Variants in MUC17 observed in about 807,000 individuals in gnomAD.
MUC17 encodes mucin-17.
In MUC17, 190 loss-of-function variants were observed where a neutral mutation model predicts 170.3. The ratio of observed to expected loss-of-function variants is 1.12; its 90% confidence interval spans 0.99 to 1.26. The LOEUF is 1.26. MUC17 is among the 50% of genes most tolerant of loss of function. MUC17 has a pLI of 0.00. For missense variants in MUC17, 6,415 were observed against 5,530.0 expected (o/e 1.16, Z -5.08); for synonymous variants, 2,325 against 2,002.5 (o/e 1.16, Z -4.30).
intron 2 of MUC17, 63 bp downstream of exon 2, chr7:101,031,284 A>C (rs1033765594): frequency 3.2e-5 from 50 of 1,545,908 alleles, no homozygotes; most frequent in Admixed American, 2.9e-4. Context: ...GGCTAGAGCG[A>C]CCCCTGCCAG....
At position 101,050,572 on chromosome 7, in the gene MUC17, G is replaced by A. The variant is rs753883194; in HGVS notation, c.12811G>A (p.Val4271Ile). Residue 4271 changes from valine (V) to isoleucine (I), a missense_variant, in exon 7 of 13, where the codon GTA becomes ATA. Transcript: ENST00000306151. ...YKTVLDNATEVVKEKITKVTT... is the reference protein window; with the variant it reads ...YKTVLDNATEIVKEKITKVTT... ...GACAGTATTGGACAATGCCACCGAAGTAGTGAAAGAGAAAATCACAAAAGT... is the reference window on the plus strand; with the variant it reads ...GACAGTATTGGACAATGCCACCGAAATAGTGAAAGAGAAAATCACAAAAGT... 1 of 1,614,180 alleles carries A rather than the reference G, an allele frequency of 6.2e-7. No individual in the cohort carries two copies. The highest frequency in any genetic ancestry group is 1.1e-5 in the South Asian group (1 of 91,088).
chr7:101,037,019 C>T lies in MUC17; in HGVS notation c.5603C>T (p.Ala1868Val), dbSNP rs1794507639. The T allele has an allele frequency of 1.4e-5, 22 of 1,583,618 alleles. No individual in the cohort carries two copies. The highest frequency in any genetic ancestry group is 1.9e-5 in the Non-Finnish European group (22 of 1,178,928). Residue 1868 changes from alanine to valine, a missense_variant, in exon 3 of 13, where the codon GCA becomes GTA. By Grantham distance (64) the Ala-to-Val change is moderately conservative. Transcript: ENST00000306151. Reference sequence around the variant, plus strand: ...TCAACGCCTAGTGAAGGAAGCACTGCATTAACAAGTATACCTGTCAGCACC... The same window carrying T: ...TCAACGCCTAGTGAAGGAAGCACTGTATTAACAAGTATACCTGTCAGCACC... Reference protein sequence around the residue: ...ATSTPSEGSTALTSIPVSTTT... With the variant: ...ATSTPSEGSTVLTSIPVSTTT...
At chr7:101,026,965 C>G (rs1030647374) in intron 1 of MUC17, among the ~76,000 whole-genome samples, 3 of 152,180 alleles carry the variant, frequency 2.0e-5, no homozygotes, top group Admixed American at 6.5e-5. Flanking sequence ...ACCCTCCCCA[C>G]TTGGCTTCCC....
chr7:101,036,286 T>C lies in MUC17; in HGVS notation c.4870T>C (p.Ser1624Pro). 1 of 1,613,552 alleles carries C rather than the reference T, an allele frequency of 6.2e-7. No individual in the cohort carries two copies. The highest frequency in any genetic ancestry group is 1.7e-5 in the Admixed American group (1 of 59,914). Reference sequence around the variant, plus strand: ...CGCTGAAGGTAGCAGCATGACAATCTCAACTCCTAGTGAAGGAAGTCCTCT... The same window carrying C: ...CGCTGAAGGTAGCAGCATGACAATCCCAACTCCTAGTGAAGGAAGTCCTCT... ...TTAEGSSMTISTPSEGSPLLT... is the reference protein window; with the variant it reads ...TTAEGSSMTIPTPSEGSPLLT... The change falls in exon 3 of 13, where the codon TCA (serine) becomes CCA (proline). Residue 1624 changes from serine to proline, a missense_variant. Physicochemically the swap from Ser to Pro is moderately conservative, Grantham distance 74 (BLOSUM62 -1). Coordinates refer to ENST00000306151, the MANE Select transcript of MUC17 (RefSeq NM_001040105.2).
Position 101,037,165 on chromosome 7 carries a change from C to T in MUC17, c.5749C>T (p.Pro1917Ser). 6.2e-7 allele frequency: 1 copy of T among 1,612,126 alleles called. No homozygotes were observed. The highest frequency in any genetic ancestry group is 8.5e-7 in the Non-Finnish European group (1 of 1,179,624). Residue 1917 changes from proline to serine, a missense_variant, in exon 3 of 13, where the codon CCA (proline) becomes TCA (serine). By Grantham distance (74) the Pro-to-Ser change is moderately conservative. Transcript: ENST00000306151. ...SPTTADGSSM[P>S]TSTPREGRPP... ...TACAACTGCTGACGGTAGCAGCATG[C>T]CAACCTCAACTCCTAGGGAAGGAAG...
At position 101,035,437 on chromosome 7, in the gene MUC17, A is replaced by C. The variant is rs774686199; in HGVS notation, c.4021A>C (p.Ser1341Arg). The change falls in exon 3 of 13, where the codon AGT becomes CGT. Residue 1341 changes from serine (S) to arginine (R), a missense_variant. Physicochemically the swap from Ser to Arg is moderately radical, Grantham distance 110. Transcript: ENST00000306151. The part of the protein sequence containing the change: ...TYSEGRTPLT[S>R]IPVNTTLVAS... Reference sequence around the variant, plus strand: ...TAGTGAAGGAAGAACTCCTTTAACAAGTATACCTGTCAACACCACACTGGT... The same window carrying C: ...TAGTGAAGGAAGAACTCCTTTAACACGTATACCTGTCAACACCACACTGGT... 6 of 1,602,456 alleles carry C rather than the reference A, an allele frequency of 3.7e-6. No individual in the cohort carries two copies. In the South Asian group the frequency reaches 5.5e-5, roughly 15 times the overall value.
At chr7:101,054,390 A>G (rs993405149) in intron 11 of MUC17, among the ~76,000 whole-genome samples, 2 of 152,238 alleles carry the variant, frequency 1.3e-5, no homozygotes, top group African/African-American at 4.8e-5. Flanking sequence ...CACATGTTAA[A>G]ATTTCTAAAA....
At chr7:101,052,786 G>A (rs576465664) in intron 9 of MUC17, among the ~76,000 whole-genome samples, 200 bp from the exon 10 acceptor site, 1 of 152,270 alleles carries the variant, frequency 6.6e-6, no homozygotes, top group South Asian at 2.1e-4. Context: ...GCTTGGAGTG[G>A]GAATTGGGCT....
At position 101,035,219 on chromosome 7, in the gene MUC17, T is replaced by A. The variant is rs1480869869; in HGVS notation, c.3803T>A (p.Leu1268Ter). The A allele has an allele frequency of 3.7e-6, 6 of 1,609,878 alleles. No individual in the cohort carries two copies. Among genetic ancestry groups the A allele is most frequent in the East Asian group, 2.2e-5 (1 of 44,592 alleles). The change falls in exon 3 of 13, where the codon TTG (leucine) becomes TAG (stop). Residue 1268 changes from leucine (L) to a stop codon, truncating the protein, a stop_gained. Coordinates refer to ENST00000306151, the MANE Select transcript of MUC17 (RefSeq NM_001040105.2). LOFTEE classifies it high-confidence loss of function. ...CCTACAACCGCTGAAGGTACCAGCT[T>A]GCCAACCTCAACTACTAGTGAAGGA... is the stretch of plus-strand genomic sequence containing the variant. ...SSPTTAEGTS[L>*]PTSTTSEGST...
chr7:101,057,863 G>A (rs1795075305), intron 12 of MUC17, 140 bp from the exon 13 acceptor site: 1 of 651,080 alleles, frequency 1.5e-6, no homozygotes, highest in Non-Finnish European at 2.5e-6. Context: ...CTGGATGGCA[G>A]AGTAAGACCC....
rs1795083580 is a variant in MUC17, at chr7:101,058,239, T to C, written c.*195T>C. 5.1e-5 allele frequency: 23 copies of C among 450,306 alleles called. 1 individual carries two copies. In the South Asian group the frequency reaches 1.1e-3, roughly 21 times the overall value. The allele number at this position is 450,306 out of a possible 1,614,324, so 27.9% of individuals were successfully genotyped here. On this transcript the variant is annotated 3_prime_UTR_variant, in exon 13 of 13. Transcript: ENST00000306151. ...TTCTCAAATAGAAACCCGTGGACGC[T>C]CCAATGGGCTTGTCATGATATCAGG...
rs755796707 is a variant in MUC17, at chr7:101,035,305, A to G, written c.3889A>G (p.Thr1297Ala). 1.1e-5 allele frequency: 17 copies of G among 1,610,682 alleles called. No homozygotes were observed. The highest frequency in any genetic ancestry group is 1.4e-5 in the Non-Finnish European group (17 of 1,177,846). ...GCTGGTGACCAGTCCTGAGGCTAGC[A>G]CCCTTTTAACAACTCCTGTTGACAC... ...TTLVTSPEASTLLTTPVDTKG... is the reference protein window; with the variant it reads ...TTLVTSPEASALLTTPVDTKG... Residue 1297 changes from threonine to alanine, a missense_variant, in exon 3 of 13, where the codon ACC becomes GCC. Thr to Ala is a moderately conservative substitution (Grantham distance 58). Transcript: ENST00000306151.
At position 101,042,348 on chromosome 7, in the gene MUC17, C is replaced by T. The variant is rs1794740284; in HGVS notation, c.10932C>T (p.Thr3644=). ...CATTAACCATTATGCCTGTCAGCAC[C>T]ACATCGGTGACCATTTCTGAGGCTG... The part of the protein sequence containing the change: ...STPLTIMPVS[T]TSVTISEAGT... Residue 3644 remains threonine, a synonymous_variant, in exon 3 of 13, where the codon ACC becomes ACT. Transcript: ENST00000306151. The T allele has an allele frequency of 6.2e-7, 1 of 1,614,082 alleles. No homozygotes were observed. Among genetic ancestry groups the T allele is most frequent in the African/African-American group, 1.3e-5 (1 of 74,954 alleles).
chr7:101,047,870 T>C (rs1230233487), intron 3 of MUC17, 114 bp from the exon 4 acceptor site: 13 of 1,249,830 alleles, frequency 1.0e-5, no homozygotes, highest in Non-Finnish European at 1.4e-5. Context: ...TGCAAACGCA[T>C]TGTAAGCTGT....
intron 1 of MUC17, among the ~76,000 whole-genome samples, chr7:101,024,709 C>T (rs1320151096): frequency 6.6e-6 from 1 of 151,646 alleles, no homozygotes; most frequent in Non-Finnish European, 1.5e-5. Context: ...TTATTTCACT[C>T]CCAAACCTCC....
rs778318325 is a variant in MUC17 at position 101,033,169 on chromosome 7, T to C, written c.1753T>C (p.Ser585Pro). The change falls in exon 3 of 13, where the codon TCT (serine) becomes CCT (proline). Residue 585 changes from serine to proline, a missense_variant. Physicochemically the swap from Ser to Pro is moderately conservative, Grantham distance 74. Coordinates refer to ENST00000306151, the MANE Select transcript of MUC17 (RefSeq NM_001040105.2). ...MPVSTRLVVSSEASTTSTTPA... is the reference protein window; with the variant it reads ...MPVSTRLVVSPEASTTSTTPA... ...TGTCAGCACCAGGCTGGTGGTCAGT[T>C]CTGAGGCTAGCACCACTTCAACAAC... The C allele has an allele frequency of 1.9e-6, 3 of 1,613,926 alleles. No individual in the cohort carries two copies. The Admixed American group carries it at 5.0e-5, about 27-fold the overall frequency.
At position 101,042,610 on chromosome 7, in the gene MUC17, A is replaced by T. The variant is rs2116457878; in HGVS notation, c.11194A>T (p.Ile3732Phe). ...ACCTGTGACCACTTCTACTGAAGCC[A>T]TTTCATCTTCTGCAACTCTTGACAG... is the stretch of plus-strand genomic sequence containing the variant. ...STPVTTSTEA[I>F]SSSATLDSTT... is the part of the protein sequence containing the mutation. Residue 3732 changes from isoleucine to phenylalanine, a missense_variant, in exon 3 of 13, where the codon ATT (isoleucine) becomes TTT (phenylalanine). Physicochemically the swap from Ile to Phe is conservative, Grantham distance 21. Coordinates refer to ENST00000306151, the MANE Select transcript of MUC17 (RefSeq NM_001040105.2). 2 of 1,614,046 alleles carry T rather than the reference A, an allele frequency of 1.2e-6. No homozygotes were observed. Among genetic ancestry groups the T allele is most frequent in the East Asian group, 4.5e-5 (2 of 44,880 alleles).
rs879003962 is a variant in MUC17, at chr7:101,032,718, C to A, written c.1302C>A (p.Pro434=). Residue 434 remains proline, a synonymous_variant, in exon 3 of 13, where the codon CCC becomes CCA. Transcript: ENST00000306151. ...CTGCTAGTGAAGCCAGCTCATCTCCCACAACTGCTGAAGATACCAGCATTG... is the reference window on the plus strand; with the variant it reads ...CTGCTAGTGAAGCCAGCTCATCTCCAACAACTGCTGAAGATACCAGCATTG... ...VTTASEASSS[P]TTAEDTSIAT... The A allele has an allele frequency of 6.4e-7, 1 of 1,567,680 alleles. No homozygotes were observed. Among genetic ancestry groups the A allele is most frequent in the Non-Finnish European group, 8.7e-7 (1 of 1,151,126 alleles).
At chr7:101,049,283 G>C in intron 5 of MUC17, 41 bp from the exon 6 acceptor site, 2 of 1,613,830 alleles carry the variant, frequency 1.2e-6, no homozygotes, top group African/African-American at 1.3e-5. Context: ...GAACGGCCCC[G>C]TGGTCCCTCT....
Sources: allele counts gnomAD v4.1 joint callset (sites outside exome capture counted in the v4.1 genomes callset), GRCh38; gene constraint gnomAD v4.1.1; transcripts MANE v1.5; gene names NCBI Gene and HGNC (gene_info 2026-07-23, HGNC 2026-07-21).